The following ADAM17 variants were observed in gnomAD, a reference collection of about 807,000 sequenced individuals.
The protein encoded by ADAM17 is ADAM metallopeptidase domain 17, also known as disintegrin and metalloproteinase domain-containing protein 17.
Under a neutral mutation model 96.7 loss-of-function variants are expected in ADAM17, and 39 were observed. The observed-to-expected ratio is 0.40, with a 90% CI of 0.31 to 0.53. The LOEUF (loss-of-function observed/expected upper bound fraction) is 0.53, where lower values mean the gene tolerates loss of function less well. ADAM17 is among the 20% of genes least tolerant of loss of function. The pLI, the probability that ADAM17 is intolerant of heterozygous loss-of-function variation, is 0.44. For missense variants in ADAM17, 777 were observed against 1,013.2 expected (o/e 0.77, Z 3.17); for synonymous variants, 344 against 359.2 (o/e 0.96, Z 0.48).
rs548548539 is a variant in ADAM17, at chr2:9,489,725, CAAAAAAAAAAAAA to C, written c.*439_*451del. On this transcript the variant is annotated 3_prime_UTR_variant, in exon 19 of 19. Transcript: ENST00000310823. ...TATCTCCTTTGTTTTTAGTTGAAGG[CAAAAAAAAAAAAA>C]AAAAAAAAAAACTATTCCAGTTGTC... 1.3e-5 allele frequency: 1 copy of C among 78,304 alleles called. No homozygotes were observed. Among genetic ancestry groups the C allele is most frequent in the South Asian group, 5.1e-4 (1 of 1,978 alleles). 4.9% of individuals were successfully genotyped at this position (78,304 alleles called of 1,614,324 possible).
chr2:9,514,225 G>C (rs1310223080), intron 10 of ADAM17, among the ~76,000 whole-genome samples: 2 of 151,096 alleles, frequency 1.3e-5, no homozygotes, highest in Non-Finnish European at 2.9e-5. Flanking sequence ...GGATGAAGCT[G>C]GAAACCATCA....
intron 6 of ADAM17, among the ~76,000 whole-genome samples, chr2:9,523,860 T>G (rs990953812): frequency 4.6e-5 from 7 of 151,948 alleles, no homozygotes; most frequent in African/African-American, 1.7e-4. Flanking sequence ...AATGTATTTT[T>G]CTCTTCCTTA....
At chr2:9,551,299 A>T (rs934261883) in intron 1 of ADAM17, among the ~76,000 whole-genome samples, 1 of 151,876 alleles carries the variant, frequency 6.6e-6, no homozygotes, top group Non-Finnish European at 1.5e-5. Context: ...TGATTTTAGG[A>T]GTAAATAAAG....
At chr2:9,509,569 A>C (rs988783965) in intron 11 of ADAM17, among the ~76,000 whole-genome samples, 1 of 152,244 alleles carries the variant, frequency 6.6e-6, no homozygotes, top group Non-Finnish European at 1.5e-5. Context: ...CAGGCAAACT[A>C]TGTGTTTAAC....
At chr2:9,518,065 C>A (rs1664144790) in intron 9 of ADAM17, 38 bp downstream of exon 9, 1 of 1,574,782 alleles carries the variant, frequency 6.4e-7, no homozygotes, top group Non-Finnish European at 8.6e-7. Flanking sequence ...TCTTAATAAT[C>A]CCAGCAGCAT....
Position 9,555,692 on chromosome 2 carries a change from G to T in ADAM17, c.-87C>A. 1 of 1,134,910 alleles carries T rather than the reference G, an allele frequency of 8.8e-7. No homozygotes were observed. Among genetic ancestry groups the T allele is most frequent in the Non-Finnish European group, 1.2e-6 (1 of 817,134 alleles). 70.3% of individuals were successfully genotyped at this position (1,134,910 alleles called of 1,614,324 possible). On this transcript the variant is annotated 5_prime_UTR_variant, in exon 1 of 19. Coordinates refer to ENST00000310823, the MANE Select transcript of ADAM17 (RefSeq NM_003183.6). Reference sequence around the variant, plus strand: ...AAACTGCTCACATCGGGGGAGGACGGGATCCGCCCGGCCTAGCCCCTCAAT... The same window carrying T: ...AAACTGCTCACATCGGGGGAGGACGTGATCCGCCCGGCCTAGCCCCTCAAT...
chr2:9,500,310 G>A (rs1662923454), intron 13 of ADAM17, among the ~76,000 whole-genome samples: 2 of 152,154 alleles, frequency 1.3e-5, no homozygotes, highest in Non-Finnish European at 2.9e-5. Flanking sequence ...ATGTGGTCAC[G>A]AAACCATATT....
intron 7 of ADAM17, among the ~76,000 whole-genome samples, chr2:9,522,589 CTT>C (rs1312024255): frequency 1.3e-5 from 2 of 151,972 alleles, no homozygotes; most frequent in Admixed American, 6.6e-5. Flanking sequence ...TACTATATAA[CTT>C]ATAAAAATAT....
intron 1 of ADAM17, among the ~76,000 whole-genome samples, chr2:9,552,151 T>A (rs956036612): frequency 6.6e-6 from 1 of 152,206 alleles, no homozygotes; most frequent in Non-Finnish European, 1.5e-5. Context: ...TATCAATCTT[T>A]TTCAGACTTT....
At chr2:9,492,329 T>A (rs769334620) in intron 17 of ADAM17, among the ~76,000 whole-genome samples, 2 of 152,062 alleles carry the variant, frequency 1.3e-5, no homozygotes, top group Non-Finnish European at 2.9e-5. Flanking sequence ...GGACCAGGAG[T>A]TCCTTAGTCA....
At chr2:9,522,566 C>T in intron 7 of ADAM17, 1 of 460,684 alleles carries the variant, frequency 2.2e-6, no homozygotes, top group Non-Finnish European at 3.9e-6. Context: ...ATTTTTTCAA[C>T]CTCTAAATTC....
intron 1 of ADAM17, among the ~76,000 whole-genome samples, chr2:9,551,782 T>C (rs1283925468): frequency 6.6e-6 from 1 of 152,126 alleles, no homozygotes; most frequent in East Asian, 1.9e-4. Context: ...TAAGTAACTT[T>C]TTTTGCATGA....
In ADAM17 at chr2:9,493,763, C is replaced by T. The variant is rs1662344986; in HGVS notation, c.1977G>A (p.Leu659=). Reference sequence around the variant, plus strand: ...ATCACCTACCAAAAGTATTGATGCTCAGCTGGTCAATGAAATCCCAAAATC... The same window carrying T: ...ATCACCTACCAAAAGTATTGATGCTTAGCTGGTCAATGAAATCCCAAAATC... ...IERFWDFIDQ[L]SINTFGKFLA... The change falls in exon 16 of 19, where the codon CTG becomes CTA. Residue 659 remains leucine, a synonymous_variant. Transcript: ENST00000310823. The T allele has an allele frequency of 6.2e-7, 1 of 1,613,812 alleles. No homozygotes were observed. Among genetic ancestry groups the T allele is most frequent in the African/African-American group, 1.3e-5 (1 of 74,934 alleles).
chr2:9,541,544 C>T (rs1330381741), intron 2 of ADAM17, among the ~76,000 whole-genome samples: 1 of 152,034 alleles, frequency 6.6e-6, no homozygotes, highest in Non-Finnish European at 1.5e-5. Context: ...GTCTGGGCGA[C>T]AAGAGCAAAA....
intron 10 of ADAM17, among the ~76,000 whole-genome samples, chr2:9,514,973 A>C (rs1190091638): frequency 6.6e-6 from 1 of 152,188 alleles, no homozygotes; most frequent in African/African-American, 2.4e-5. Flanking sequence ...TCTTGGCCTC[A>C]AGTGATCCTC....
intron 10 of ADAM17, among the ~76,000 whole-genome samples, chr2:9,515,104 T>C (rs1386718070): frequency 6.6e-6 from 1 of 152,202 alleles, no homozygotes; most frequent in Non-Finnish European, 1.5e-5. Flanking sequence ...AAATGCATAA[T>C]GTCTTATACT....
Position 9,502,284 on chromosome 2 carries a change from A to G in ADAM17, c.1545-8T>C. On this transcript the variant is annotated splice_region_variant and splice_polypyrimidine_tract_variant and intron_variant, in intron 12 of 18. Transcript: ENST00000310823. Reference sequence around the variant, plus strand: ...CAAGGACTGTTCCTGTCACTGGAGAAGAACAGCAGACAGGAACAGAGCAAT... The same window carrying G: ...CAAGGACTGTTCCTGTCACTGGAGAGGAACAGCAGACAGGAACAGAGCAAT... The G allele has an allele frequency of 6.2e-7, 1 of 1,601,692 alleles. No individual in the cohort carries two copies. The highest frequency in any genetic ancestry group is 8.6e-7 in the Non-Finnish European group (1 of 1,169,346).
intron 10 of ADAM17, chr2:9,512,365 TA>T (rs1283999357): frequency 3.9e-5 from 6 of 152,152 alleles, no homozygotes; most frequent in African/African-American, 1.4e-4. Flanking sequence ...ATCAAGCCAT[TA>T]AGAAGTTGTG....
chr2:9,496,170 C>T (rs957857585), intron 14 of ADAM17: 1 of 151,902 alleles, frequency 6.6e-6, no homozygotes, highest in Admixed American at 6.6e-5. Context: ...GCTCTGTTGC[C>T]CAGGCTAGAG....
Sources: allele counts gnomAD v4.1 joint callset (sites outside exome capture counted in the v4.1 genomes callset), GRCh38; gene constraint gnomAD v4.1.1; transcripts MANE v1.5; gene names NCBI Gene and HGNC (gene_info 2026-07-23, HGNC 2026-07-21).